The following RGS22 variants were observed in gnomAD, a reference collection of about 807,000 sequenced individuals.
RGS22 encodes the protein regulator of G-protein signaling 22.
Under a neutral mutation model 172.9 loss-of-function variants are expected in RGS22, and 148 were observed. The ratio of observed to expected loss-of-function variants is 0.86; its 90% CI spans 0.75 to 0.98. The LOEUF (loss-of-function observed/expected upper bound fraction) is 0.98, where lower values mean the gene tolerates loss of function less well. RGS22 is among the 50% of genes least tolerant of loss of function. The pLI, the probability that RGS22 is intolerant of heterozygous loss-of-function variation, is 0.00. For missense variants in RGS22, 1,347 were observed against 1,440.8 expected, an observed-to-expected ratio of 0.93 and a Z score of 1.05; for synonymous variants, 458 against 480.2, an observed-to-expected ratio of 0.95 and a Z score of 0.60.
At position 99,962,703 on chromosome 8, in the gene RGS22, A is replaced by C. The variant is rs188241480; in HGVS notation, c.3774T>G (p.Ser1258=). 6.2e-7 allele frequency: 1 copy of C among 1,609,732 alleles called. No homozygotes were observed. The highest frequency in any genetic ancestry group is 1.7e-5 in the Admixed American group (1 of 58,870). The change falls in exon 26 of 28, where the codon TCT becomes TCG. Residue 1258 remains serine (S), a synonymous_variant. Transcript: ENST00000360863. ...GAAACTCACTCTGGCTGCTGTGGGC[A>C]GACATATTCTTTTTCAAAGACATAG... ...SSTMSLKKNM[S]AHSSQK is the part of the protein sequence containing the mutation.
intron 20 of RGS22, among the ~76,000 whole-genome samples, chr8:99,991,433 G>A (rs1813706085): frequency 6.6e-6 from 1 of 152,156 alleles, no homozygotes; most frequent in Non-Finnish European, 1.5e-5. Context: ...TGACCTGATG[G>A]AGCTGAAAAC....
In RGS22 at chr8:100,066,291, G is replaced by A; in HGVS notation, c.600C>T (p.Ser200=). ...CAAACCAATCTTTTGTTTGAGTATA[G>A]GAAGCCTAGGAAGAAGGGAGCATAT... ...KKFYVSLGEA[S]YTQTKDWFAL... is the part of the protein sequence containing the mutation. Residue 200 remains serine (S), a synonymous_variant, in exon 7 of 28, where the codon TCC becomes TCT. Transcript: ENST00000360863. The A allele has an allele frequency of 6.2e-7, 1 of 1,612,446 alleles. No individual in the cohort carries two copies. Among genetic ancestry groups the A allele is most frequent in the South Asian group, 1.1e-5 (1 of 90,994 alleles).
At chr8:100,024,631 G>C (rs1014054086) in intron 14 of RGS22, among the ~76,000 whole-genome samples, 1 of 152,328 alleles carries the variant, frequency 6.6e-6, no homozygotes, top group African/African-American at 2.4e-5. Flanking sequence ...AGATATTAAA[G>C]TGAAAGATTA....
intron 27 of RGS22, among the ~76,000 whole-genome samples, chr8:99,962,178 G>A (rs1230938000): frequency 6.6e-6 from 1 of 152,070 alleles, no homozygotes; most frequent in Non-Finnish European, 1.5e-5. Flanking sequence ...AAACAGACAA[G>A]GAGTAAATAA....
At position 99,965,339 on chromosome 8, in the gene RGS22, C is replaced by A. The variant is rs760451465; in HGVS notation, c.3611G>T (p.Arg1204Leu). ...DSFLGLQPYG[R>L]QPTWCYSKYI... ...TGCACCATCTTGCATGCTTACCTGT[C>A]GGCCATATGGTTGGAGGCCTAGGAA... The change falls in exon 24 of 28, where the codon CGA becomes CTA. Residue 1204 changes from arginine to leucine, a missense_variant. By Grantham distance (102) the Arg-to-Leu change is moderately radical (BLOSUM62 -2). Transcript: ENST00000360863. 3 of 1,610,584 alleles carry A rather than the reference C, an allele frequency of 1.9e-6. No individual in the cohort carries two copies. The Admixed American group carries it at 5.0e-5, about 27-fold the overall frequency.
At chr8:100,099,948 C>T (rs1205473857) in intron 2 of RGS22, among the ~76,000 whole-genome samples, 1 of 152,328 alleles carries the variant, frequency 6.6e-6, no homozygotes, top group South Asian at 2.1e-4. Flanking sequence ...GTTCATTTAA[C>T]CCAATTATGT....
At chr8:100,090,352 T>C (rs1043666416) in intron 3 of RGS22, among the ~76,000 whole-genome samples, 3 of 152,000 alleles carry the variant, frequency 2.0e-5, no homozygotes, top group Non-Finnish European at 4.4e-5. Flanking sequence ...AGAATAAGTG[T>C]GGTCAAGATG....
chr8:100,052,794 C>A lies in RGS22; in HGVS notation c.1689+8G>T, dbSNP rs201970698. 6.2e-7 allele frequency: 1 copy of A among 1,611,474 alleles called. No individual in the cohort carries two copies. The highest frequency in any genetic ancestry group is 8.5e-7 in the Non-Finnish European group (1 of 1,177,826). On this transcript the variant is annotated splice_region_variant and intron_variant, in intron 10 of 27. Transcript: ENST00000360863. ...TAGTAGAGATCACAGCATGAATGTACACCCTACCTGGATCTCAGGTATCTG... is the reference window on the plus strand; with the variant it reads ...TAGTAGAGATCACAGCATGAATGTAAACCCTACCTGGATCTCAGGTATCTG...
Position 100,063,469 on chromosome 8 carries a change from T to C in RGS22, c.1299A>G (p.Leu433=), listed in dbSNP as rs780032732. 7 of 1,612,970 alleles carry C rather than the reference T, an allele frequency of 4.3e-6. No individual in the cohort carries two copies. Among genetic ancestry groups the C allele is most frequent in the African/African-American group, 4.0e-5 (3 of 74,896 alleles). The part of the protein sequence containing the change: ...KGTLGERYWW[L]WMDIERLKVL... ...CTTTTAACCTCTCAATATCCATCCA[T>C]AGCCACCAATATCTCTCTCCCAATG... is the stretch of plus-strand genomic sequence containing the variant. Residue 433 remains leucine, a synonymous_variant, in exon 8 of 28, where the codon CTA becomes CTG. Coordinates refer to ENST00000360863, the MANE Select transcript of RGS22 (RefSeq NM_015668.5).
chr8:100,073,489 T>C (rs1381407870), intron 4 of RGS22, among the ~76,000 whole-genome samples: 2 of 150,870 alleles, frequency 1.3e-5, no homozygotes, highest in African/African-American at 4.9e-5. Flanking sequence ...TTCTGCATAA[T>C]GAAAGAATAG....
intron 22 of RGS22, 56 bp from the exon 23 acceptor site, chr8:99,978,131 C>G (rs978975024): frequency 4.9e-6 from 5 of 1,022,892 alleles, no homozygotes; most frequent in Non-Finnish European, 7.0e-6. Context: ...AATTTAAACT[C>G]TATTCACCAT....
At chr8:100,071,312 A>T (rs979526103) in intron 6 of RGS22, 57 bp downstream of exon 6, 1 of 1,414,800 alleles carries the variant, frequency 7.1e-7, no homozygotes, top group African/African-American at 1.5e-5. Context: ...AAAATAAAAA[A>T]TAAAATCAGA....
At chr8:100,003,074 T>A (rs549506734) in intron 17 of RGS22, 1 of 167,970 alleles carries the variant, frequency 6.0e-6, no homozygotes, top group African/African-American at 2.4e-5. Context: ...AAAAAAAGAA[T>A]GAGTAAGAAC....
intron 4 of RGS22, among the ~76,000 whole-genome samples, chr8:100,075,103 T>A (rs1053686533): frequency 1.3e-4 from 20 of 152,090 alleles, no homozygotes; most frequent in African/African-American, 4.8e-4. Context: ...TAACTTTTCA[T>A]TTCTTTTGGG....
chr8:100,003,909 A>G lies in RGS22; in HGVS notation c.2627+17T>C. 6.5e-7 allele frequency: 1 copy of G among 1,545,472 alleles called. No homozygotes were observed. The highest frequency in any genetic ancestry group is 1.4e-5 in the African/African-American group (1 of 72,498). On this transcript the variant is annotated intron_variant, in intron 17 of 27. Transcript: ENST00000360863. ...GAAAAATGTTTTCAGTGAGAAATATATGGTTATGTCCCTCACCTTGAAGAA... is the reference window on the plus strand; with the variant it reads ...GAAAAATGTTTTCAGTGAGAAATATGTGGTTATGTCCCTCACCTTGAAGAA...
At chr8:100,004,245 G>T in intron 16 of RGS22, 147 bp from the exon 17 acceptor site, 1 of 915,286 alleles carries the variant, frequency 1.1e-6, no homozygotes, top group East Asian at 3.1e-5. Context: ...TTTAGAATCT[G>T]GTAAAGAATC....
At chr8:99,963,171 TG>T (rs1164652565) in intron 24 of RGS22, among the ~76,000 whole-genome samples, 193 bp from the exon 25 acceptor site, 1 of 152,210 alleles carries the variant, frequency 6.6e-6, no homozygotes, top group Non-Finnish European at 1.5e-5. Context: ...ACCTTTTAAC[TG>T]GGTACCACAA....
At chr8:99,974,706 G>A (rs944791170) in intron 23 of RGS22, among the ~76,000 whole-genome samples, 3 of 151,034 alleles carry the variant, frequency 2.0e-5, no homozygotes, top group Non-Finnish European at 4.4e-5. Flanking sequence ...TCTGAGGCAG[G>A]AGAATTGCTT....
At chr8:99,971,729 A>T (rs1588876992) in intron 23 of RGS22, among the ~76,000 whole-genome samples, 1 of 152,334 alleles carries the variant, frequency 6.6e-6, no homozygotes, top group South Asian at 2.1e-4. Context: ...ATAAGAGAGG[A>T]CACAAACAAA....
Sources: gnomAD v4.1 joint callset for allele counts (sites outside exome capture counted in the v4.1 genomes callset) on GRCh38, gnomAD v4.1.1 for gene constraint, MANE v1.5 for transcripts, NCBI Gene and HGNC (gene_info 2026-07-23, HGNC 2026-07-21) for gene names.